The following NALCN variants were observed in gnomAD, a reference collection of about 807,000 sequenced individuals.
NALCN encodes sodium leak channel NALCN.
NALCN carries 111 observed loss-of-function variants against 225.3 expected under a neutral mutation model. That is an observed-to-expected ratio of 0.49 (90% CI 0.42 to 0.58). The LOEUF (loss-of-function observed/expected upper bound fraction) is 0.58. NALCN is among the 20% of genes least tolerant of loss of function. The pLI, the probability that NALCN is intolerant of heterozygous loss-of-function variation, is 0.00. For synonymous variants in NALCN, 764 were observed against 769.0 expected, an observed-to-expected ratio of 0.99 and a Z score of 0.11; for missense variants, 1,378 against 2,202.4, an observed-to-expected ratio of 0.63 and a Z score of 7.49.
At chr13:101,086,500 A>C (rs2033939416) in intron 30 of NALCN, among the ~76,000 whole-genome samples, 1 of 151,644 alleles carries the variant, frequency 6.6e-6, no homozygotes, top group African/African-American at 2.4e-5. Context: ...TTTTGTTTTC[A>C]TTATGGTCAG....
intron 20 of NALCN, among the ~76,000 whole-genome samples, chr13:101,109,859 C>T (rs949434690): frequency 2.6e-5 from 4 of 152,146 alleles, no homozygotes; most frequent in African/African-American, 7.2e-5. Context: ...GCCCCCAAAT[C>T]CCCACCTTTG....
At chr13:101,105,878 G>A (rs527884007) in intron 22 of NALCN, among the ~76,000 whole-genome samples, 1 of 152,230 alleles carries the variant, frequency 6.6e-6, no homozygotes, top group South Asian at 2.1e-4. Flanking sequence ...TGAAGGAGGG[G>A]GCACACAAAT....
Position 101,309,546 on chromosome 13 carries a change from G to T in NALCN, c.800-17180C>A, listed in dbSNP as rs150143050. 5.6e-3 allele frequency among the ~76,000 whole-genome samples: 848 copies of T among 152,188 alleles called. 5 individuals are homozygous for T. Among genetic ancestry groups the T allele is most frequent in the Non-Finnish European group, 9.8e-3 (668 of 68,014 alleles). On this transcript the variant is annotated intron_variant, in intron 7 of 43. Transcript: ENST00000251127. The stretch of plus-strand genomic sequence containing the variant: ...ACATCAACCACCCCATATTCATTTT[G>T]TCTATTGGCAAATAATTCCTAAGAC...
intron 6 of NALCN, among the ~76,000 whole-genome samples, chr13:101,364,247 T>C (rs551628272): frequency 7.2e-5 from 11 of 152,198 alleles, no homozygotes; most frequent in Admixed American, 2.0e-4. Flanking sequence ...AGGAAATCTA[T>C]ATATTTAAGA....
At chr13:101,246,349 G>A (rs1331531078) in intron 11 of NALCN, among the ~76,000 whole-genome samples, 2 of 151,988 alleles carry the variant, frequency 1.3e-5, no homozygotes, top group Non-Finnish European at 2.9e-5. Flanking sequence ...GATATCATGA[G>A]AAAAAAATGC....
Position 101,118,963 on chromosome 13 carries a change from G to A in NALCN, c.2192+5645C>T, listed in dbSNP as rs1200413108. ...GTTCTGCCCAGAATGCGGAGCTGCA[G>A]AGAAATAATATGACCTTATCCAAAG... On this transcript the variant is annotated intron_variant, in intron 18 of 43. Transcript: ENST00000251127. Among the ~76,000 whole-genome samples the A allele has an allele frequency of 3.9e-5, 6 of 152,202 alleles. No individual in the cohort carries two copies. In the South Asian group the frequency reaches 1.2e-3, roughly 31 times the overall value.
At chr13:101,303,915 T>A (rs545856) in intron 7 of NALCN, among the ~76,000 whole-genome samples, 1 of 152,108 alleles carries the variant, frequency 6.6e-6, no homozygotes, top group African/African-American at 2.4e-5. Context: ...AGAAAAATCA[T>A]CCCTGGAAAC....
chr13:101,200,929 G>A (rs2040093892), intron 13 of NALCN, among the ~76,000 whole-genome samples: 1 of 152,150 alleles, frequency 6.6e-6, no homozygotes, highest in Non-Finnish European at 1.5e-5. Context: ...ATCAATTTAA[G>A]TTCAAACATA....
At chr13:101,124,811 T>TGG in intron 17 of NALCN, 130 bp from the exon 18 acceptor site, 1 of 829,704 alleles carries the variant, frequency 1.2e-6, no homozygotes, top group South Asian at 1.7e-5. Context: ...ATCGTACAAT[T>TGG]GACAATTCTT....
intron 19 of NALCN, among the ~76,000 whole-genome samples, 180 bp from the exon 20 acceptor site, chr13:101,110,868 T>A (rs1436077557): frequency 6.6e-6 from 1 of 152,234 alleles, no homozygotes; most frequent in African/African-American, 2.4e-5. Context: ...TCTAACAAAA[T>A]TCAGAATTTT....
chr13:101,198,618 G>A (rs527982516), intron 13 of NALCN, among the ~76,000 whole-genome samples: 87 of 152,230 alleles, frequency 5.7e-4, no homozygotes, highest in African/African-American at 1.6e-3. Context: ...TTAGAATGGC[G>A]ATCATTAAAA....
intron 10 of NALCN, among the ~76,000 whole-genome samples, chr13:101,276,136 T>C (rs1050888440): frequency 7.3e-6 from 1 of 136,252 alleles, no homozygotes; most frequent in Admixed American, 7.8e-5. Context: ...ACATCAGCAA[T>C]GCACAGAGAT....
chr13:101,163,133 C>A (rs1245252596), intron 15 of NALCN, among the ~76,000 whole-genome samples: 1 of 152,054 alleles, frequency 6.6e-6, no homozygotes, highest in East Asian at 1.9e-4. Flanking sequence ...AAACTCCTGA[C>A]CACAGGTGAT....
intron 18 of NALCN, 55 bp from the exon 19 acceptor site, chr13:101,111,281 A>G (rs1047048740): frequency 1.4e-6 from 2 of 1,467,774 alleles, no homozygotes; most frequent in African/African-American, 2.8e-5. Flanking sequence ...CTTGAGATGA[A>G]TAACACATAA....
At chr13:101,182,881 C>A (rs74117670) in intron 14 of NALCN, among the ~76,000 whole-genome samples, 1 of 152,054 alleles carries the variant, frequency 6.6e-6, no homozygotes, top group Admixed American at 6.5e-5. Context: ...ATAAGCACTG[C>A]GATAAAGGGT....
intron 11 of NALCN, among the ~76,000 whole-genome samples, chr13:101,238,302 T>C (rs9518356): frequency 0.38 from 58,004 of 151,800 alleles, 12,173 homozygotes; most frequent in East Asian, 0.59. Context: ...TGGCATATTA[T>C]AAAATAACAA....
intron 10 of NALCN, among the ~76,000 whole-genome samples, chr13:101,273,116 T>C (rs1179301319): frequency 6.6e-6 from 1 of 152,202 alleles, no homozygotes; most frequent in Non-Finnish European, 1.5e-5. Context: ...GTCAGAGACT[T>C]TCCTCATGGT....
In NALCN at chr13:101,150,739, ATATAT is replaced by A. The variant is rs554952983; in HGVS notation, c.1840-5848_1840-5844del. 1.7e-3 allele frequency among the ~76,000 whole-genome samples: 254 copies of A among 148,270 alleles called. 1 individual carries two copies. The highest frequency in any genetic ancestry group is 4.9e-3 in the African/African-American group (195 of 40,024). ...ACTTTGATGCAAATGAATGAATAAT[ATATAT>A]TATAAGAAGTGGTTATGAATTTTTA... On this transcript the variant is annotated intron_variant, in intron 15 of 43. Transcript: ENST00000251127.
intron 7 of NALCN, among the ~76,000 whole-genome samples, chr13:101,336,064 T>C (rs148398210): frequency 6.9e-4 from 105 of 152,174 alleles, no homozygotes; most frequent in Middle Eastern, 3.4e-3. Flanking sequence ...AATAATAGAA[T>C]ACTAATAGAA....
Sources: gnomAD v4.1 joint callset for allele counts (sites outside exome capture counted in the v4.1 genomes callset) on GRCh38, gnomAD v4.1.1 for gene constraint, MANE v1.5 for transcripts, NCBI Gene and HGNC (gene_info 2026-07-23, HGNC 2026-07-21) for gene names.